The following HS6ST3 variants were observed in gnomAD, a reference collection of about 807,000 sequenced individuals.
The protein encoded by HS6ST3 is heparan-sulfate 6-O-sulfotransferase 3.
In HS6ST3, 12 loss-of-function variants were observed where a neutral mutation model predicts 36.7. The observed-to-expected ratio is 0.33, with a 90% CI of 0.21 to 0.53. The LOEUF is 0.53. Among genes scored for constraint, HS6ST3 ranks in the 20% least tolerant of loss-of-function variants. HS6ST3 has a pLI of 0.95. For synonymous variants in HS6ST3, 240 were observed against 257.5 expected (o/e 0.93, Z 0.65); for missense variants, 584 against 640.9 (o/e 0.91, Z 0.96).
intron 1 of HS6ST3, among the ~76,000 whole-genome samples, chr13:96,489,328 A>T (rs1388543552): frequency 6.6e-6 from 1 of 151,884 alleles, no homozygotes; most frequent in Non-Finnish European, 1.5e-5. Context: ...CAAGACACAC[A>T]ATAAACTCAC....
At chr13:96,410,708 C>A (rs1418289844) in intron 1 of HS6ST3, among the ~76,000 whole-genome samples, 1 of 152,114 alleles carries the variant, frequency 6.6e-6, no homozygotes, top group African/African-American at 2.4e-5. Context: ...TTCAATGATA[C>A]AGAAAGCACC....
intron 1 of HS6ST3, among the ~76,000 whole-genome samples, chr13:96,303,171 A>T (rs1028001959): frequency 1.3e-5 from 2 of 152,212 alleles, no homozygotes; most frequent in African/African-American, 4.8e-5. Context: ...ATACAGTTTC[A>T]TATTAATGTT....
chr13:96,098,978 C>G (rs1253521238), intron 1 of HS6ST3, among the ~76,000 whole-genome samples: 3 of 152,154 alleles, frequency 2.0e-5, no homozygotes, highest in Non-Finnish European at 4.4e-5. Context: ...GAGTCTCGCT[C>G]TGTCACCCAA....
At chr13:96,207,472 T>C (rs1257234747) in intron 1 of HS6ST3, among the ~76,000 whole-genome samples, 1 of 152,034 alleles carries the variant, frequency 6.6e-6, no homozygotes, top group Non-Finnish European at 1.5e-5. Flanking sequence ...GCAATGCCAT[T>C]ACTAGATATA....
At chr13:96,397,367 G>A (rs1925131) in intron 1 of HS6ST3, among the ~76,000 whole-genome samples, 136,127 of 152,252 alleles carry the variant, frequency 0.89, 61,130 homozygotes, top group South Asian at 0.94. Flanking sequence ...CTGAAGATAT[G>A]TTTTTCCCTT....
At chr13:96,278,829 T>C (rs2054760986) in intron 1 of HS6ST3, among the ~76,000 whole-genome samples, 1 of 152,212 alleles carries the variant, frequency 6.6e-6, no homozygotes, top group Non-Finnish European at 1.5e-5. Context: ...CTACAACTTA[T>C]CAATTAACTC....
At chr13:96,481,483 G>T (rs1355964304) in intron 1 of HS6ST3, among the ~76,000 whole-genome samples, 1 of 152,130 alleles carries the variant, frequency 6.6e-6, no homozygotes, top group Non-Finnish European at 1.5e-5. Context: ...TTAATCAAGT[G>T]CTGCCTTGCC....
At chr13:96,603,001 G>C (rs912706758) in intron 1 of HS6ST3, among the ~76,000 whole-genome samples, 2 of 152,128 alleles carry the variant, frequency 1.3e-5, no homozygotes, top group African/African-American at 4.8e-5. Context: ...GTACTATGCT[G>C]TATCACCTGG....
chr13:96,418,453 G>A (rs1221324770), intron 1 of HS6ST3, among the ~76,000 whole-genome samples: 1 of 152,196 alleles, frequency 6.6e-6, no homozygotes, highest in African/African-American at 2.4e-5. Context: ...TGCTCAGTGA[G>A]TTCTGAGCTT....
intron 1 of HS6ST3, among the ~76,000 whole-genome samples, chr13:96,638,921 A>G (rs1165914100): frequency 1.3e-5 from 2 of 152,026 alleles, no homozygotes; most frequent in Non-Finnish European, 2.9e-5. Flanking sequence ...ATTGAGTTTT[A>G]ATTCATTCAG....
chr13:96,264,967 C>A (rs1930222), intron 1 of HS6ST3, among the ~76,000 whole-genome samples: 69,557 of 151,894 alleles, frequency 0.46, 16,731 homozygotes, highest in Admixed American at 0.57. Flanking sequence ...TATCAAATTC[C>A]CAACCCAAAG....
At chr13:96,332,494 G>T (rs544662144) in intron 1 of HS6ST3, among the ~76,000 whole-genome samples, 4 of 152,160 alleles carry the variant, frequency 2.6e-5, no homozygotes, top group African/African-American at 7.2e-5. Flanking sequence ...TCAGATATGT[G>T]GTTCTGTCTT....
intron 1 of HS6ST3, among the ~76,000 whole-genome samples, chr13:96,751,087 G>T (rs1423011015): frequency 1.3e-5 from 2 of 151,782 alleles, no homozygotes; most frequent in African/African-American, 4.8e-5. Flanking sequence ...CATATGTTTT[G>T]AATATTTATT....
intron 1 of HS6ST3, among the ~76,000 whole-genome samples, chr13:96,404,246 C>T (rs971604503): frequency 6.6e-6 from 1 of 152,048 alleles, no homozygotes; most frequent in Non-Finnish European, 1.5e-5. Context: ...CCCACTATTC[C>T]CTAGGAATAA....
intron 1 of HS6ST3, among the ~76,000 whole-genome samples, chr13:96,173,199 TAGTC>T (rs2054196334): frequency 2.0e-5 from 3 of 152,244 alleles, no homozygotes; most frequent in South Asian, 2.1e-4. Flanking sequence ...TCATTTTAGA[TAGTC>T]AGGGATGTAT....
At chr13:96,127,202 T>C (rs1356201722) in intron 1 of HS6ST3, among the ~76,000 whole-genome samples, 1 of 152,188 alleles carries the variant, frequency 6.6e-6, no homozygotes, top group Non-Finnish European at 1.5e-5. Context: ...TTGGCTACTA[T>C]GCTAATTCCA....
intron 1 of HS6ST3, among the ~76,000 whole-genome samples, chr13:96,423,765 C>T (rs1216814670): frequency 5.3e-5 from 8 of 151,900 alleles, no homozygotes; most frequent in Non-Finnish European, 1.2e-4. Context: ...CTTCCTCTAA[C>T]GTAGGTTTTA....
chr13:96,331,326 CTT>C (rs992981130), intron 1 of HS6ST3, among the ~76,000 whole-genome samples: 1 of 151,692 alleles, frequency 6.6e-6, no homozygotes. Context: ...TACTTTTGGT[CTT>C]TGATGATGGT....
intron 1 of HS6ST3, among the ~76,000 whole-genome samples, chr13:96,361,310 G>C (rs770910322): frequency 2.6e-5 from 4 of 152,090 alleles, no homozygotes; most frequent in Non-Finnish European, 4.4e-5. Context: ...ACAGTGCTCT[G>C]TTGAGCCTAT....
Sources: gnomAD v4.1 joint callset for allele counts (sites outside exome capture counted in the v4.1 genomes callset) on GRCh38, gnomAD v4.1.1 for gene constraint, MANE v1.5 for transcripts, NCBI Gene and HGNC (gene_info 2026-07-23, HGNC 2026-07-21) for gene names.